The following RAD51B variants were observed in gnomAD, a reference collection of about 807,000 sequenced individuals.
RAD51B encodes the protein DNA repair protein RAD51 homolog 2.
Under a neutral mutation model 42.2 loss-of-function variants are expected in RAD51B, and 38 were observed. The ratio of observed to expected loss-of-function variants is 0.90; its 90% confidence interval spans 0.70 to 1.18. The LOEUF is 1.18. RAD51B is among the 50% of genes most tolerant of loss of function. The pLI, the probability that RAD51B is intolerant of heterozygous loss-of-function variation, is 0.00. For missense variants in RAD51B, 373 were observed against 400.7 expected, an observed-to-expected ratio of 0.93 and a Z score of 0.59; for synonymous variants, 154 against 145.2, an observed-to-expected ratio of 1.06 and a Z score of -0.43.
At chr14:68,005,694 T>C (rs2075577808) in intron 7 of RAD51B, among the ~76,000 whole-genome samples, 1 of 152,318 alleles carries the variant, frequency 6.6e-6, no homozygotes, top group East Asian at 1.9e-4. Context: ...CATTAAACAC[T>C]TTTTTCATAT....
In RAD51B at chr14:68,537,498, CAA is replaced by C. The variant is rs34728022; in HGVS notation, c.1037-56976_1037-56975del. On this transcript the variant is annotated intron_variant, in intron 10 of 10. Transcript: ENST00000487270. Reference sequence around the variant, plus strand: ...TGGGCGACAGAGCAAGATTTCGTCTCAAAAAAAAAAAAGGAGCCATGAATCAC... The same window carrying C: ...TGGGCGACAGAGCAAGATTTCGTCTCAAAAAAAAAAGGAGCCATGAATCAC... Among the ~76,000 whole-genome samples, 7 of 145,754 alleles carry C rather than the reference CAA, an allele frequency of 4.8e-5. No individual in the cohort carries two copies. In the South Asian group the frequency reaches 6.5e-4, roughly 14 times the overall value.
In RAD51B at chr14:68,565,861, G is replaced by A. The variant is rs1405415336; in HGVS notation, c.1037-28624G>A. ...AGTTCTCCCAGTGCAACTGGGGAGGGTATCTGGATCTTTTCCCTGGAGGTG... is the reference window on the plus strand; with the variant it reads ...AGTTCTCCCAGTGCAACTGGGGAGGATATCTGGATCTTTTCCCTGGAGGTG... On this transcript the variant is annotated intron_variant, in intron 10 of 10. Transcript: ENST00000487270. This position sits in a 1 kb window ranked among gnomAD's most constrained non-coding sequence, Gnocchi z 4.1. Among the ~76,000 whole-genome samples, 1 of 152,188 alleles carries A rather than the reference G, an allele frequency of 6.6e-6. No individual in the cohort carries two copies. The highest frequency in any genetic ancestry group is 1.5e-5 in the Non-Finnish European group (1 of 68,032).
At chr14:68,656,220 G>A (rs1458063196) in intron 11 of RAD51B, among the ~76,000 whole-genome samples, 4 of 152,154 alleles carry the variant, frequency 2.6e-5, no homozygotes, top group African/African-American at 9.6e-5. Flanking sequence ...CCTGGCAGCA[G>A]GCAGCCTCCT....
At chr14:67,861,070 G>A (rs1471223980) in intron 4 of RAD51B, among the ~76,000 whole-genome samples, 1 of 152,102 alleles carries the variant, frequency 6.6e-6, no homozygotes, top group African/African-American at 2.4e-5. Context: ...ATGTGTGCCT[G>A]TAGTTCCAGC....
chr14:68,561,187 C>T (rs746901835), intron 10 of RAD51B, among the ~76,000 whole-genome samples: 13 of 152,236 alleles, frequency 8.5e-5, no homozygotes, highest in African/African-American at 2.2e-4. Context: ...ACAAGCTCTT[C>T]GCATGGTGCC....
chr14:67,854,764 A>C (rs2041932800), intron 4 of RAD51B, among the ~76,000 whole-genome samples: 1 of 151,900 alleles, frequency 6.6e-6, no homozygotes. Context: ...GGAGTTTGAG[A>C]CCAGCCTGAG....
chr14:67,922,988 GCCGTAATATGTGGTCTTTTTTA>G (rs1395976058), intron 7 of RAD51B, among the ~76,000 whole-genome samples: 2 of 152,166 alleles, frequency 1.3e-5, no homozygotes, highest in Non-Finnish European at 2.9e-5. Context: ...ACTGCGCCCA[GCCGTAATATGTGGTCTTTTTTA>G]CCTCACCTGC....
chr14:67,991,296 A>G (rs1410325058), intron 7 of RAD51B, among the ~76,000 whole-genome samples: 1 of 152,222 alleles, frequency 6.6e-6, no homozygotes, highest in African/African-American at 2.4e-5. Flanking sequence ...AAAGTTTCAT[A>G]TTAGGTGATT....
At chr14:68,435,492 G>GTTTTTTTTTTTTTTTTTTTTTTTT (rs35536205) in intron 9 of RAD51B, among the ~76,000 whole-genome samples, 1 of 128,152 alleles carries the variant, frequency 7.8e-6, no homozygotes, top group African/African-American at 2.8e-5. Flanking sequence ...GTGGTTTTTG[G>GTTTTTTTTTTTTTTTTTTTTTTTT]TTTTTTTTTT....
At chr14:68,624,091 G>T (rs1037157673) in intron 10 of RAD51B, among the ~76,000 whole-genome samples, 2 of 152,120 alleles carry the variant, frequency 1.3e-5, no homozygotes, top group African/African-American at 2.4e-5. Flanking sequence ...TGGAGGTCCA[G>T]GCATCTCACC....
At chr14:68,172,320 T>G (rs751021141) in intron 7 of RAD51B, among the ~76,000 whole-genome samples, 1 of 152,256 alleles carries the variant, frequency 6.6e-6, no homozygotes. Flanking sequence ...CCGTCCTTAC[T>G]GACTTAACCT....
chr14:68,177,026 C>T (rs942731645), intron 7 of RAD51B, among the ~76,000 whole-genome samples: 1 of 152,168 alleles, frequency 6.6e-6, no homozygotes, highest in African/African-American at 2.4e-5. Context: ...ACAAAATGAG[C>T]AAAGGAGTCC....
intron 7 of RAD51B, among the ~76,000 whole-genome samples, chr14:68,096,344 T>C (rs1396864056): frequency 1.3e-5 from 2 of 152,212 alleles, no homozygotes; most frequent in African/African-American, 4.8e-5. Context: ...CCAAATGTAT[T>C]TATAGAATAT....
chr14:68,139,489 C>T (rs1000211383), intron 7 of RAD51B, among the ~76,000 whole-genome samples: 1 of 152,010 alleles, frequency 6.6e-6, no homozygotes, highest in East Asian at 1.9e-4. Flanking sequence ...TTTTCAAAAC[C>T]CTTTGATTGA....
chr14:67,902,052 G>A (rs941437986), intron 7 of RAD51B, among the ~76,000 whole-genome samples: 6 of 152,042 alleles, frequency 3.9e-5, no homozygotes, highest in African/African-American at 1.4e-4. Flanking sequence ...TTATATAAAT[G>A]AAATGAAAAA....
At chr14:68,190,278 A>G (rs1266204409) in intron 7 of RAD51B, among the ~76,000 whole-genome samples, 2 of 152,186 alleles carry the variant, frequency 1.3e-5, no homozygotes, top group Non-Finnish European at 2.9e-5. Context: ...CCCTACTTAA[A>G]AGGCTGGTCC....
chr14:68,340,259 A>G (rs897192777), intron 8 of RAD51B, among the ~76,000 whole-genome samples: 1 of 152,240 alleles, frequency 6.6e-6, no homozygotes, highest in African/African-American at 2.4e-5. Context: ...TGAGATGGCT[A>G]TTCAGAGAAC....
intron 7 of RAD51B, among the ~76,000 whole-genome samples, chr14:68,019,233 G>A (rs549028795): frequency 3.8e-4 from 58 of 152,082 alleles, no homozygotes; most frequent in Non-Finnish European, 7.4e-4. Flanking sequence ...TGAAATAGAC[G>A]GGAACAAAAC....
rs78037667 is a variant in RAD51B at position 67,893,009 on chromosome 14, A to C, written c.756+5805A>C. On this transcript the variant is annotated intron_variant, in intron 7 of 10. Coordinates refer to ENST00000471583, the MANE Select transcript of RAD51B (RefSeq NM_133510.4). ...TTTCTGTAATAAGCCATAACTGTGA[A>C]TATAACAGCTTTTGAGTCCTGTGAG... Among the ~76,000 whole-genome samples the C allele has an allele frequency of 8.9e-3, 1,359 of 152,262 alleles. 22 individuals carry two copies. Among genetic ancestry groups the C allele is most frequent in the African/African-American group, 0.031 (1,279 of 41,552 alleles).
Sources: allele counts gnomAD v4.1 joint callset (sites outside exome capture counted in the v4.1 genomes callset), GRCh38; gene constraint gnomAD v4.1.1; non-coding constraint Gnocchi (gnomAD v3.1); transcripts MANE v1.5; gene names NCBI Gene and HGNC (gene_info 2026-07-23, HGNC 2026-07-21).